The following MARCO variants were observed in gnomAD, a reference collection of about 807,000 sequenced individuals.
The protein encoded by MARCO is macrophage receptor MARCO.
In MARCO, 72 loss-of-function variants were observed where a neutral mutation model predicts 70.0. That is an observed-to-expected ratio of 1.03 (90% CI 0.85 to 1.25). MARCO has a LOEUF of 1.25. Among genes scored for constraint, MARCO ranks in the 50% most tolerant of loss-of-function variants. The probability of loss-of-function intolerance (pLI) is 0.00; values close to 1 mark genes in which losing one functional copy is unlikely to be tolerated. For missense variants in MARCO, 696 were observed against 659.3 expected, an observed-to-expected ratio of 1.06 and a Z score of -0.61; for synonymous variants, 273 against 243.1, an observed-to-expected ratio of 1.12 and a Z score of -1.14.
intron 12 of MARCO, among the ~76,000 whole-genome samples, chr2:118,989,897 G>T (rs977013201): frequency 2.0e-5 from 3 of 152,162 alleles, no homozygotes; most frequent in Non-Finnish European, 2.9e-5. Context: ...CTTGCTAAAT[G>T]AACAAATTAT....
chr2:118,972,178 A>G (rs1440860307), intron 4 of MARCO, among the ~76,000 whole-genome samples: 1 of 152,184 alleles, frequency 6.6e-6, no homozygotes, highest in Non-Finnish European at 1.5e-5. Context: ...TGACAATGGC[A>G]TGTGCTCTCT....
chr2:118,953,404 G>C (rs941148580), intron 1 of MARCO, among the ~76,000 whole-genome samples: 19 of 152,292 alleles, frequency 1.2e-4, no homozygotes, highest in Admixed American at 5.9e-4. Context: ...TCTACATTTG[G>C]TGTGATTGTC....
chr2:118,974,579 G>T lies in MARCO; in HGVS notation c.613+14G>T. The T allele has an allele frequency of 1.9e-6, 3 of 1,610,830 alleles. No homozygotes were observed. The highest frequency in any genetic ancestry group is 2.5e-6 in the Non-Finnish European group (3 of 1,178,974). ...AGGGAGAGGCGGGTGAGTAGGTGCT[G>T]GGTATGTACCCAGAAATACACAGCA... On this transcript the variant is annotated intron_variant, in intron 6 of 16. Transcript: ENST00000327097.
intron 1 of MARCO, chr2:118,949,314 C>A (rs1179204494): frequency 1.3e-5 from 2 of 152,184 alleles, no homozygotes; most frequent in East Asian, 3.9e-4. Flanking sequence ...GTTTAAAGTG[C>A]AAACAGAATA....
rs573059412 is a variant in MARCO at position 118,975,784 on chromosome 2, G to A, written c.613+1219G>A. ...TGCACATATATGCACTCACATACAC[G>A]CATATACTCATGCACACCCGTGTCT... On this transcript the variant is annotated intron_variant, in intron 6 of 16. Transcript: ENST00000327097. 3.3e-5 allele frequency among the ~76,000 whole-genome samples: 5 copies of A among 152,130 alleles called. No individual in the cohort carries two copies. The South Asian group carries it at 8.3e-4, about 25-fold the overall frequency.
chr2:118,982,091 G>A (rs1680403040), intron 10 of MARCO, 65 bp from the exon 11 acceptor site: 6 of 1,144,522 alleles, frequency 5.2e-6, no homozygotes, highest in African/African-American at 1.5e-5. Context: ...CAGAAGCACT[G>A]GGGGTTGGGG....
intron 16 of MARCO, among the ~76,000 whole-genome samples, chr2:118,993,547 C>T (rs186583881): frequency 1.2e-4 from 18 of 152,342 alleles, no homozygotes; most frequent in East Asian, 7.7e-4. Context: ...GGTCAAGGTC[C>T]ATCCAGCCCT....
Position 118,969,041 on chromosome 2 carries a change from C to T in MARCO, c.98-119C>T, listed in dbSNP as rs1164237804. ...TTTGGGAGTCATGAGCTTTTGGTGT[C>T]TTTCCCAGCTGACCTCACAGGGTGC... On this transcript the variant is annotated intron_variant, in intron 1 of 16. Transcript: ENST00000327097. 7 of 720,428 alleles carry T rather than the reference C, an allele frequency of 9.7e-6. No homozygotes were observed. The Admixed American group carries it at 1.5e-4, about 15-fold the overall frequency. 44.6% of individuals were successfully genotyped at this position (720,428 alleles called of 1,614,324 possible).
chr2:118,964,817 G>A (rs1374450406), intron 1 of MARCO, among the ~76,000 whole-genome samples: 1 of 151,040 alleles, frequency 6.6e-6, no homozygotes, highest in African/African-American at 2.4e-5. Context: ...GAACCCAGGA[G>A]ATGGAGGTTG....
intron 6 of MARCO, 37 bp from the exon 7 acceptor site, chr2:118,977,434 G>A: frequency 6.3e-7 from 1 of 1,579,328 alleles, no homozygotes; most frequent in South Asian, 1.1e-5. Flanking sequence ...GACATTCTCA[G>A]GCCACAGCAA....
At chr2:118,943,552 C>T (rs1679542711) in intron 1 of MARCO, among the ~76,000 whole-genome samples, 1 of 152,202 alleles carries the variant, frequency 6.6e-6, no homozygotes, top group African/African-American at 2.4e-5. Flanking sequence ...CATGAACTGA[C>T]AATTTCCATG....
At chr2:118,971,145 G>C (rs561745138) in intron 3 of MARCO, among the ~76,000 whole-genome samples, 2 of 152,160 alleles carry the variant, frequency 1.3e-5, no homozygotes, top group Non-Finnish European at 2.9e-5. Context: ...GACACCATGG[G>C]AGTGTCTCTT....
At position 118,942,761 on chromosome 2, in the gene MARCO, G is replaced by A. The variant is rs188096657; in HGVS notation, c.97+364G>A. Among the ~76,000 whole-genome samples, 29 of 152,038 alleles carry A rather than the reference G, an allele frequency of 1.9e-4. No homozygotes were observed. The East Asian group carries it at 4.3e-3, about 22-fold the overall frequency. The stretch of plus-strand genomic sequence containing the variant: ...AACGCAAAACAGGGGCACTGAAAGG[G>A]GACCACAAAACTGAAGCCAAGCATG... On this transcript the variant is annotated intron_variant, in intron 1 of 16. Transcript: ENST00000327097.
intron 1 of MARCO, among the ~76,000 whole-genome samples, chr2:118,965,135 A>T (rs1289487439): frequency 6.6e-6 from 1 of 152,112 alleles, no homozygotes; most frequent in African/African-American, 2.4e-5. Context: ...ATTTCTTTGA[A>T]TATTTTTTAA....
At chr2:118,951,544 C>T (rs1219945736) in intron 1 of MARCO, among the ~76,000 whole-genome samples, 1 of 152,218 alleles carries the variant, frequency 6.6e-6, no homozygotes, top group East Asian at 1.9e-4. Context: ...GCAGTTGCTG[C>T]TACAGATTGA....
chr2:118,986,888 C>G (rs1558672193), intron 12 of MARCO, among the ~76,000 whole-genome samples: 1 of 152,026 alleles, frequency 6.6e-6, no homozygotes, highest in Non-Finnish European at 1.5e-5. Flanking sequence ...TTGAACTTAC[C>G]CCTGACTAGC....
rs775848278 is a variant in MARCO at position 118,981,612 on chromosome 2, T to C, written c.866-9T>C. 2.4e-5 allele frequency: 39 copies of C among 1,612,986 alleles called. No individual in the cohort carries two copies. Among genetic ancestry groups the C allele is most frequent in the Non-Finnish European group, 3.3e-5 (39 of 1,179,758 alleles). On this transcript the variant is annotated splice_polypyrimidine_tract_variant and intron_variant, in intron 9 of 16. Coordinates refer to ENST00000327097, the MANE Select transcript of MARCO (RefSeq NM_006770.4). Reference sequence around the variant, plus strand: ...AAAAAAAATTCCTAAAAGTTCTTTTTCATCTTAGGTTTGGCTGGTTTTCCT... The same window carrying C: ...AAAAAAAATTCCTAAAAGTTCTTTTCCATCTTAGGTTTGGCTGGTTTTCCT...
At chr2:118,943,666 G>A (rs900202431) in intron 1 of MARCO, among the ~76,000 whole-genome samples, 2 of 152,226 alleles carry the variant, frequency 1.3e-5, no homozygotes, top group African/African-American at 2.4e-5. Context: ...GATAAAGGGA[G>A]TCCGTTAGAG....
intron 8 of MARCO, among the ~76,000 whole-genome samples, chr2:118,979,597 C>A (rs2104593481): frequency 6.6e-6 from 1 of 152,306 alleles, no homozygotes; most frequent in South Asian, 2.1e-4. Context: ...AGTTATGCAG[C>A]TTCCCAACCA....
Sources: allele counts gnomAD v4.1 joint callset (sites outside exome capture counted in the v4.1 genomes callset), GRCh38; gene constraint gnomAD v4.1.1; transcripts MANE v1.5; gene names NCBI Gene and HGNC (gene_info 2026-07-23, HGNC 2026-07-21).